The following SCEL variants were observed in gnomAD, a reference collection of about 807,000 sequenced individuals.
The protein encoded by SCEL is sciellin.
SCEL carries 113 observed loss-of-function variants against 117.6 expected under a neutral mutation model. The observed-to-expected ratio is 0.96, with a 90% confidence interval of 0.83 to 1.12. The LOEUF (loss-of-function observed/expected upper bound fraction) is 1.12, where lower values mean the gene tolerates loss of function less well. SCEL is among the 50% of genes most tolerant of loss of function. SCEL has a pLI of 0.00. For missense variants in SCEL, 785 were observed against 810.8 expected (o/e 0.97, Z 0.39); for synonymous variants, 270 against 256.2 (o/e 1.05, Z -0.51).
chr13:77,593,065 T>A (rs963479951), intron 11 of SCEL, among the ~76,000 whole-genome samples: 9 of 152,174 alleles, frequency 5.9e-5, no homozygotes. Context: ...TGTTGCTTAA[T>A]GCTGCTTGGT....
intron 1 of SCEL, among the ~76,000 whole-genome samples, chr13:77,540,915 C>T (rs1285751467): frequency 6.6e-6 from 1 of 152,146 alleles, no homozygotes; most frequent in Non-Finnish European, 1.5e-5. Context: ...TTGGAATAGT[C>T]AGGAGATTAT....
rs1442395955 is a variant in SCEL at position 77,617,795 on chromosome 13, A to T, written c.1512-8A>T. On this transcript the variant is annotated splice_region_variant and splice_polypyrimidine_tract_variant and intron_variant, in intron 25 of 32. Coordinates refer to ENST00000349847, the MANE Select transcript of SCEL (RefSeq NM_144777.3). The stretch of plus-strand genomic sequence containing the variant: ...TAACCTGCTCTCATTTTATTTTTTG[A>T]TTTAAAGAAACCAAGATCTTGCTAA... 1 of 1,604,912 alleles carries T rather than the reference A, an allele frequency of 6.2e-7. No homozygotes were observed. The highest frequency in any genetic ancestry group is 8.5e-7 in the Non-Finnish European group (1 of 1,174,368).
At chr13:77,562,531 C>T (rs2085043533) in intron 4 of SCEL, among the ~76,000 whole-genome samples, 1 of 152,174 alleles carries the variant, frequency 6.6e-6, no homozygotes. Flanking sequence ...TTCCATAAAG[C>T]CTCCTCTGGT....
chr13:77,579,260 C>A (rs1037834013), intron 9 of SCEL, among the ~76,000 whole-genome samples: 1 of 152,218 alleles, frequency 6.6e-6, no homozygotes, highest in Non-Finnish European at 1.5e-5. Context: ...TACTTTGACA[C>A]ATCACTTATT....
intron 11 of SCEL, among the ~76,000 whole-genome samples, chr13:77,593,295 T>TGCGTGCGCGC (rs1555510777): frequency 7.3e-6 from 1 of 136,784 alleles, no homozygotes. Context: ...TGTGTGTGTG[T>TGCGTGCGCGC]GTCTGTGTGT....
intron 24 of SCEL, among the ~76,000 whole-genome samples, chr13:77,616,935 A>C (rs932380502): frequency 6.6e-6 from 1 of 152,116 alleles, no homozygotes; most frequent in African/African-American, 2.4e-5. Flanking sequence ...TCAGAAGAAC[A>C]CTTTGAAAAA....
intron 23 of SCEL, among the ~76,000 whole-genome samples, chr13:77,613,376 G>C (rs955424154): frequency 6.6e-5 from 10 of 152,100 alleles, no homozygotes; most frequent in African/African-American, 2.4e-5. Flanking sequence ...TTTTTTGCAT[G>C]ACATTGAATT....
At chr13:77,545,255 G>A (rs954056965) in intron 1 of SCEL, among the ~76,000 whole-genome samples, 13 of 152,288 alleles carry the variant, frequency 8.5e-5, no homozygotes, top group Admixed American at 4.6e-4. Flanking sequence ...AAACTGAAAC[G>A]TGGCACTTAG....
At chr13:77,607,555 A>C (rs2088304529) in intron 19 of SCEL, among the ~76,000 whole-genome samples, 1 of 152,204 alleles carries the variant, frequency 6.6e-6, no homozygotes, top group African/African-American at 2.4e-5. Context: ...GATTTTTAAC[A>C]AATTGGTGTA....
At chr13:77,636,759 C>T (rs1180846110) in intron 29 of SCEL, among the ~76,000 whole-genome samples, 1 of 152,142 alleles carries the variant, frequency 6.6e-6, no homozygotes, top group African/African-American at 2.4e-5. Flanking sequence ...TGTCTGTGTG[C>T]TTGCCCTGTT....
At chr13:77,548,792 G>T (rs112362862) in intron 1 of SCEL, among the ~76,000 whole-genome samples, 1 of 152,280 alleles carries the variant, frequency 6.6e-6, no homozygotes, top group African/African-American at 2.4e-5. Flanking sequence ...ATGTGACTTT[G>T]CTTGTCATTT....
intron 9 of SCEL, among the ~76,000 whole-genome samples, chr13:77,588,528 C>T (rs953078425): frequency 6.6e-6 from 1 of 152,168 alleles, no homozygotes; most frequent in Non-Finnish European, 1.5e-5. Context: ...CACATAATTG[C>T]CCATCTCCAG....
At chr13:77,634,886 G>A (rs1214905580) in intron 29 of SCEL, among the ~76,000 whole-genome samples, 2 of 152,138 alleles carry the variant, frequency 1.3e-5, no homozygotes, top group African/African-American at 4.8e-5. Context: ...CCAAGTTATG[G>A]GATATTGATG....
At chr13:77,576,987 G>A (rs2085979252) in intron 9 of SCEL, among the ~76,000 whole-genome samples, 3 of 152,106 alleles carry the variant, frequency 2.0e-5, no homozygotes, top group Admixed American at 2.0e-4. Context: ...CATTGATTTT[G>A]TATCCTGAGA....
intron 11 of SCEL, among the ~76,000 whole-genome samples, chr13:77,593,106 G>C (rs929854175): frequency 1.3e-5 from 2 of 152,062 alleles, no homozygotes; most frequent in African/African-American, 2.4e-5. Context: ...ACTCACTTCT[G>C]TGTTTACTTG....
intron 5 of SCEL, 58 bp downstream of exon 5, chr13:77,563,957 A>C: frequency 8.3e-7 from 1 of 1,205,328 alleles, no homozygotes; most frequent in Non-Finnish European, 1.2e-6. Flanking sequence ...ACATTTTCTA[A>C]TAAAGTTATG....
chr13:77,570,845 CTTTTCTTTTTCTT>C (rs1221554005), intron 8 of SCEL, among the ~76,000 whole-genome samples: 50 of 152,010 alleles, frequency 3.3e-4, no homozygotes, highest in South Asian at 1.9e-3. Flanking sequence ...CTATCAGTTT[CTTTTCTTTTTCTT>C]TTTTCTTTTT....
chr13:77,572,992 G>T (rs10507865), intron 9 of SCEL, among the ~76,000 whole-genome samples: 16,536 of 152,166 alleles, frequency 0.11, 1,028 homozygotes, highest in Non-Finnish European at 0.15. Context: ...ACTGGATGAG[G>T]ATATGTGTGG....
At chr13:77,583,451 C>T (rs1321507148) in intron 9 of SCEL, among the ~76,000 whole-genome samples, 2 of 152,154 alleles carry the variant, frequency 1.3e-5, no homozygotes, top group Non-Finnish European at 1.5e-5. Flanking sequence ...CCAAGCTCTT[C>T]GAAGGCATGG....
Sources: gnomAD v4.1 joint callset for allele counts (sites outside exome capture counted in the v4.1 genomes callset) on GRCh38, gnomAD v4.1.1 for gene constraint, MANE v1.5 for transcripts, NCBI Gene and HGNC (gene_info 2026-07-23, HGNC 2026-07-21) for gene names.